PRUNE2: variants seen among roughly 807,000 people sequenced by gnomAD.
PRUNE2 encodes protein prune homolog 2.
PRUNE2 carries 164 observed loss-of-function variants against 252.0 expected under a neutral mutation model. The observed-to-expected ratio is 0.65, with a 90% CI of 0.57 to 0.74. The LOEUF is 0.74. Among genes scored for constraint, PRUNE2 ranks in the 30% least tolerant of loss-of-function variants. PRUNE2 has a pLI of 0.00. For synonymous variants in PRUNE2, 1,292 were observed against 1,350.2 expected (o/e 0.96, Z 0.94); for missense variants, 3,495 against 3,711.0 (o/e 0.94, Z 1.51).
In PRUNE2 at chr9:76,855,080, A is replaced by AT. The variant is rs1207880937; in HGVS notation, c.37-873_37-872insA. On this transcript the variant is annotated intron_variant, in intron 1 of 18. Coordinates refer to ENST00000376718, the MANE Select transcript of PRUNE2 (RefSeq NM_015225.3). Reference sequence around the variant, plus strand: ...ACTCCATCTCAAAAAAAAAAAAAAAAAAATATATATATATATATATATAGT... The same window carrying AT: ...ACTCCATCTCAAAAAAAAAAAAAAAATAAATATATATATATATATATATAGT... Among the ~76,000 whole-genome samples, 201 of 126,638 alleles carry AT rather than the reference A, an allele frequency of 1.6e-3. No homozygotes were observed. In the East Asian group the frequency reaches 0.02, roughly 13 times the overall value. The allele number at this position is 126,638 out of a possible 152,430, so 83.1% of individuals were successfully genotyped here. A position where few individuals can be genotyped will look rare whatever the true frequency, so the allele number is the denominator to read the frequency against.
At chr9:76,629,791 T>A (rs1032169713) in intron 15 of PRUNE2, among the ~76,000 whole-genome samples, 2 of 152,182 alleles carry the variant, frequency 1.3e-5, no homozygotes, top group East Asian at 1.9e-4. Context: ...ACCATTCCAC[T>A]CTCTACTTCT....
Position 76,637,478 on chromosome 9 carries a change from G to C in PRUNE2, c.8903C>G (p.Pro2968Arg). 6.2e-7 allele frequency: 1 copy of C among 1,613,368 alleles called. No homozygotes were observed. The highest frequency in any genetic ancestry group is 1.1e-5 in the South Asian group (1 of 91,072). ...GCCTAGCCCTGGCATCCTCCTTCTT[G>C]GGGTTGCACCATTCAAGTACACAAT... ...YMIVYLNGAT[P>R]RRRMPGLGWM... The change falls in exon 14 of 19, where the codon CCA becomes CGA. Residue 2968 changes from proline (P) to arginine (R), a missense_variant. Transcript: ENST00000376718.
intron 1 of PRUNE2, among the ~76,000 whole-genome samples, chr9:76,865,392 C>T (rs2060778218): frequency 6.6e-6 from 1 of 152,106 alleles, no homozygotes; most frequent in African/African-American, 2.4e-5. Flanking sequence ...TACAGTAATA[C>T]ACAGTAGAAT....
chr9:76,665,859 G>A (rs1008922966), intron 9 of PRUNE2, among the ~76,000 whole-genome samples: 2 of 152,068 alleles, frequency 1.3e-5, no homozygotes, highest in Admixed American at 1.3e-4. Context: ...AGCCACCTAG[G>A]TGCCAAGGCA....
chr9:76,657,924 T>C (rs1849836560), intron 9 of PRUNE2, among the ~76,000 whole-genome samples: 1 of 152,208 alleles, frequency 6.6e-6, no homozygotes, highest in South Asian at 2.1e-4. Context: ...TAAGTGCTCC[T>C]TTTCAACACA....
chr9:76,705,857 T>C lies in PRUNE2; in HGVS notation c.6417A>G (p.Pro2139=). The C allele has an allele frequency of 6.2e-7, 1 of 1,613,678 alleles. No individual in the cohort carries two copies. The highest frequency in any genetic ancestry group is 8.5e-7 in the Non-Finnish European group (1 of 1,179,866). ...CATAAATGGGTTCTTCATCTATCTC[T>C]GGCTCAGTGAGACAAAGCTCACTGG... ...VESSELCLTE[P]EIDEEPIYEP... is the part of the protein sequence containing the mutation. Residue 2139 remains proline, a synonymous_variant, in exon 8 of 19, where the codon CCA becomes CCG. Transcript: ENST00000376718.
chr9:76,902,443 C>T (rs988294269), intron 1 of PRUNE2, among the ~76,000 whole-genome samples: 7 of 152,296 alleles, frequency 4.6e-5, no homozygotes, highest in Middle Eastern at 6.8e-3. Context: ...TACGTTTGCA[C>T]TCTCTCTAGT....
At chr9:76,797,557 C>T (rs549895640) in intron 6 of PRUNE2, among the ~76,000 whole-genome samples, 81 of 152,150 alleles carry the variant, frequency 5.3e-4, no homozygotes, top group African/African-American at 1.7e-3. Context: ...TTCACCAAGC[C>T]GTCTTTTTCC....
chr9:76,902,317 C>A (rs147676752), intron 1 of PRUNE2, among the ~76,000 whole-genome samples: 1 of 152,324 alleles, frequency 6.6e-6, no homozygotes, highest in African/African-American at 2.4e-5. Flanking sequence ...CCTTCAACTT[C>A]TCTTACCATA....
chr9:76,711,401 T>C (rs893832373), intron 7 of PRUNE2, 43 bp from the exon 8 acceptor site: 6 of 1,361,072 alleles, frequency 4.4e-6, no homozygotes, highest in African/African-American at 1.5e-5. Context: ...TCAAGCACTG[T>C]TGCACTTTGC....
intron 4 of PRUNE2, among the ~76,000 whole-genome samples, chr9:76,837,868 T>A (rs1034119521): frequency 4.1e-4 from 62 of 151,122 alleles, no homozygotes; most frequent in Admixed American, 1.3e-3. Flanking sequence ...GCCTCCTGGG[T>A]TCACGCCATT....
chr9:76,672,640 C>T (rs1443449987), intron 9 of PRUNE2, among the ~76,000 whole-genome samples: 4 of 140,754 alleles, frequency 2.8e-5, no homozygotes, highest in Non-Finnish European at 4.6e-5. Context: ...CAAAATTGAC[C>T]ACATACTGGG....
At chr9:76,904,535 A>G (rs1295644796) in intron 1 of PRUNE2, among the ~76,000 whole-genome samples, 1 of 152,214 alleles carries the variant, frequency 6.6e-6, no homozygotes, top group Non-Finnish European at 1.5e-5. Context: ...ATTTTTGAAC[A>G]TTTCTCCTTC....
chr9:76,706,933 C>T lies in PRUNE2; in HGVS notation c.5341G>A (p.Ala1781Thr). 6.2e-7 allele frequency: 1 copy of T among 1,612,282 alleles called. No individual in the cohort carries two copies. ...PLTETEMQIT[A>T]VEKEKRSSPE... ...GAAGATCTCTTCTCCTTCTCCACTG[C>T]TGTAATCTGCATTTCAGTCTCCGTT... The change falls in exon 8 of 19, where the codon GCA becomes ACA. Residue 1781 changes from alanine to threonine, a missense_variant. Ala to Thr is a moderately conservative substitution (Grantham distance 58). Transcript: ENST00000376718.
At chr9:76,670,688 C>T (rs949633041) in intron 9 of PRUNE2, among the ~76,000 whole-genome samples, 17 of 152,134 alleles carry the variant, frequency 1.1e-4, no homozygotes, top group South Asian at 4.2e-4. Flanking sequence ...GTTCTCCCAG[C>T]ACGCAGCTGG....
At chr9:76,680,354 A>AC (rs1471579962) in intron 9 of PRUNE2, among the ~76,000 whole-genome samples, 2 of 152,172 alleles carry the variant, frequency 1.3e-5, no homozygotes, top group Non-Finnish European at 2.9e-5. Flanking sequence ...AAACAAACAA[A>AC]AAACAAACAA....
chr9:76,642,126 C>T, intron 12 of PRUNE2: 2 of 643,750 alleles, frequency 3.1e-6, no homozygotes, highest in South Asian at 2.1e-5. Flanking sequence ...CAGTTCTAGC[C>T]TCAGAGGGAC....
intron 18 of PRUNE2, 70 bp downstream of exon 18, chr9:76,619,269 GT>G: frequency 9.6e-7 from 1 of 1,037,084 alleles, no homozygotes; most frequent in Non-Finnish European, 1.5e-6. Context: ...TCCTCAGTGT[GT>G]TTTCTTTCAG....
chr9:76,866,715 G>C (rs2060859889), intron 1 of PRUNE2, among the ~76,000 whole-genome samples: 1 of 147,160 alleles, frequency 6.8e-6, no homozygotes, highest in Admixed American at 6.6e-5. Context: ...GGAAAGGAAG[G>C]AGGAAGGGAG....
Sources: gnomAD v4.1 joint callset for allele counts (sites outside exome capture counted in the v4.1 genomes callset) on GRCh38, gnomAD v4.1.1 for gene constraint, MANE v1.5 for transcripts, NCBI Gene and HGNC (gene_info 2026-07-23, HGNC 2026-07-21) for gene names.